PGCKA1: variants seen among roughly 807,000 people sequenced by gnomAD.
The protein encoded by PGCKA1 is PDCD10 and GCKIII kinases-associated protein 1.
At chr4:37,483,146 A>T in the PGCKA1 span, among the ~76,000 whole-genome samples, 1 of 152,072 alleles carries the variant, frequency 6.6e-6, no homozygotes, top group Non-Finnish European at 1.5e-5. Flanking sequence ...TGGTTTTATA[A>T]AGGGCTTCCC....
chr4:37,481,464 C>CAAAAAAAAAAAAAAAAAAA, the PGCKA1 span, among the ~76,000 whole-genome samples: 17 of 61,426 alleles, frequency 2.8e-4, no homozygotes, highest in South Asian at 3.9e-4. Context: ...GACCTGTCTC[C>CAAAAAAAAAAAAAAAAAAA]AAAAAAAAAA....
the PGCKA1 span, among the ~76,000 whole-genome samples, chr4:37,567,530 TG>T: frequency 6.6e-6 from 1 of 151,970 alleles, no homozygotes; most frequent in African/African-American, 2.4e-5. Flanking sequence ...GCAGTGGAGG[TG>T]GAATTGCTGA....
the PGCKA1 span, among the ~76,000 whole-genome samples, chr4:37,483,260 G>T: frequency 3.3e-5 from 5 of 152,140 alleles, no homozygotes. Flanking sequence ...TCCCAGACAG[G>T]CTGAACTGTG....
the PGCKA1 span, among the ~76,000 whole-genome samples, chr4:37,515,104 G>A: frequency 6.6e-6 from 1 of 152,166 alleles, no homozygotes; most frequent in African/African-American, 2.4e-5. Flanking sequence ...CCTTAGGGAG[G>A]TGATTAGGTC....
chr4:37,560,220 G>T, the PGCKA1 span, among the ~76,000 whole-genome samples: 1 of 152,158 alleles, frequency 6.6e-6, no homozygotes, highest in East Asian at 1.9e-4. Context: ...CAGGTCACTG[G>T]TCTTGCTTTT....
chr4:37,546,351 A>C, the PGCKA1 span, among the ~76,000 whole-genome samples: 176 of 152,274 alleles, frequency 1.2e-3, 1 homozygote, highest in African/African-American at 4.0e-3. Flanking sequence ...TTAAAAGTCA[A>C]CTCATGACTT....
At chr4:37,467,316 T>C in the PGCKA1 span, among the ~76,000 whole-genome samples, 41 of 152,266 alleles carry the variant, frequency 2.7e-4, no homozygotes, top group Middle Eastern at 0.01. Context: ...TTTAAACAAA[T>C]AACAGTGAAG....
At chr4:37,488,872 C>T in the PGCKA1 span, among the ~76,000 whole-genome samples, 179 of 152,246 alleles carry the variant, frequency 1.2e-3, 2 homozygotes, top group Non-Finnish European at 1.5e-3. Context: ...CCAGTTGACC[C>T]TTGAACAACA....
the PGCKA1 span, among the ~76,000 whole-genome samples, chr4:37,489,146 T>C: frequency 6.7e-6 from 1 of 149,852 alleles, no homozygotes; most frequent in South Asian, 2.1e-4. Context: ...GTTTCAATTA[T>C]GCAAGATGAA....
the PGCKA1 span, among the ~76,000 whole-genome samples, chr4:37,557,637 G>A: frequency 7.9e-5 from 12 of 152,286 alleles, no homozygotes; most frequent in Admixed American, 7.8e-4. Flanking sequence ...CTGGGGATTG[G>A]TTTCAACATA....
chr4:37,536,501 G>A, the PGCKA1 span, among the ~76,000 whole-genome samples: 5 of 152,212 alleles, frequency 3.3e-5, no homozygotes, highest in East Asian at 9.6e-4. Context: ...GGCTGGACTG[G>A]GGCATGGAGA....
chr4:37,556,407 A>G, the PGCKA1 span, among the ~76,000 whole-genome samples: 1 of 151,866 alleles, frequency 6.6e-6, no homozygotes, highest in East Asian at 1.9e-4. Flanking sequence ...AGCTGGGATT[A>G]CAGGCACCTG....
the PGCKA1 span, among the ~76,000 whole-genome samples, chr4:37,549,868 C>A: frequency 6.6e-6 from 1 of 152,056 alleles, no homozygotes; most frequent in Admixed American, 6.6e-5. Context: ...CCAGTCACAC[C>A]CAGAAGCTGA....
the PGCKA1 span, among the ~76,000 whole-genome samples, chr4:37,506,195 A>C: frequency 6.6e-6 from 1 of 152,046 alleles, no homozygotes; most frequent in Non-Finnish European, 1.5e-5. Flanking sequence ...AGTCTGGCTA[A>C]AGGTTTGTCG....
At chr4:37,540,177 A>G in the PGCKA1 span, among the ~76,000 whole-genome samples, 2 of 152,124 alleles carry the variant, frequency 1.3e-5, no homozygotes, top group East Asian at 1.9e-4. Flanking sequence ...TCTTTTTCCA[A>G]GTTTTGTGCA....
the PGCKA1 span, among the ~76,000 whole-genome samples, chr4:37,479,922 G>T: frequency 2.6e-3 from 402 of 152,334 alleles, 3 homozygotes; most frequent in African/African-American, 9.4e-3. Flanking sequence ...TTTTGCAGTA[G>T]ACTAAGCAAG....
At chr4:37,548,840 C>T in the PGCKA1 span, among the ~76,000 whole-genome samples, 1 of 152,148 alleles carries the variant, frequency 6.6e-6, no homozygotes. Context: ...TACCAAGATG[C>T]AAATGTCTGG....
chr4:37,588,754 A>G, the PGCKA1 span: 2 of 904,334 alleles, frequency 2.2e-6, no homozygotes. Flanking sequence ...CTCTTAATAC[A>G]TTTTGAGTCT....
At chr4:37,549,282 G>A in the PGCKA1 span, among the ~76,000 whole-genome samples, 2 of 152,202 alleles carry the variant, frequency 1.3e-5, no homozygotes, top group Admixed American at 6.5e-5. Context: ...AATAACTGGA[G>A]TGGAACTTAT....
Sources: allele counts gnomAD v4.1 joint callset (sites outside exome capture counted in the v4.1 genomes callset), GRCh38; gene constraint gnomAD v4.1.1; transcripts MANE v1.5; gene names NCBI Gene and HGNC (gene_info 2026-07-23, HGNC 2026-07-21).